MYO18A: variants seen among roughly 807,000 people sequenced by gnomAD.
MYO18A encodes the protein unconventional myosin-XVIIIa.
A neutral mutation model predicts 235.8 loss-of-function variants in MYO18A; 78 were observed. The observed-to-expected ratio is 0.33, with a 90% CI of 0.28 to 0.40. MYO18A has a LOEUF of 0.40. Among genes scored for constraint, MYO18A ranks in the 10% least tolerant of loss-of-function variants. MYO18A has a pLI of 1.00. For missense variants in MYO18A, 2,215 were observed against 2,699.3 expected, an observed-to-expected ratio of 0.82 and a Z score of 3.98; for synonymous variants, 977 against 1,077.8, an observed-to-expected ratio of 0.91 and a Z score of 1.83.
At position 29,106,932 on chromosome 17, in the gene MYO18A, C is replaced by A; in HGVS notation, c.3441+148G>T. 1.3e-6 allele frequency: 1 copy of A among 752,320 alleles called. No individual in the cohort carries two copies. The highest frequency in any genetic ancestry group is 2.2e-6 in the Non-Finnish European group (1 of 447,030). The allele number at this position is 752,320 out of a possible 1,614,324, so 46.6% of individuals were successfully genotyped here. A position where few individuals can be genotyped will look rare whatever the true frequency, so the allele number is the denominator to read the frequency against. On this transcript the variant is annotated intron_variant, in intron 20 of 41. Coordinates refer to ENST00000527372, the MANE Select transcript of MYO18A (RefSeq NM_078471.4). This position sits in a 1 kb window ranked among gnomAD's most constrained non-coding sequence, Gnocchi z 4.6. ...TTCTCCAGCTCCTATGGTCTGGGCC[C>A]CAGGACACAGCTGGGTGCTTCCAAA...
intron 2 of MYO18A, among the ~76,000 whole-genome samples, chr17:29,143,054 C>T (rs1182603123): frequency 6.6e-6 from 1 of 152,276 alleles, no homozygotes. Flanking sequence ...GTGATCTGCC[C>T]GCCTTGGCCT....
chr17:29,139,320 C>T (rs533692918), intron 2 of MYO18A, among the ~76,000 whole-genome samples: 10 of 152,304 alleles, frequency 6.6e-5, no homozygotes, highest in Admixed American at 6.5e-4. Flanking sequence ...CTGTGCATGG[C>T]CCTAAATCTG....
chr17:29,107,003 A>G (rs1021288142), intron 20 of MYO18A, 77 bp downstream of exon 20: 2 of 1,367,888 alleles, frequency 1.5e-6, no homozygotes, highest in Admixed American at 1.7e-5. Flanking sequence ...CAGGGAAGGG[A>G]AGGCAGATGA....
chr17:29,114,211 G>A (rs76884759), intron 14 of MYO18A, 114 bp from the exon 15 acceptor site: 18 of 717,844 alleles, frequency 2.5e-5, no homozygotes, highest in Admixed American at 6.7e-5. Context: ...CTTCTGTGCC[G>A]TGCAGGAGCT....
In MYO18A at chr17:29,094,838, C is replaced by T. The variant is rs2066482453; in HGVS notation, c.4522G>A (p.Asp1508Asn). The part of the protein sequence containing the change: ...LKQQLEEKDM[D>N]IAGFTQKVVS... Reference sequence around the variant, plus strand: ...ACCTTCTGGGTGAACCCTGCAATGTCCATGTCTTTTTCCTGGAGCAAAAGA... The same window carrying T: ...ACCTTCTGGGTGAACCCTGCAATGTTCATGTCTTTTTCCTGGAGCAAAAGA... The change falls in exon 30 of 42, where the codon GAC (aspartate) becomes AAC (asparagine). Residue 1508 changes from aspartate to asparagine, a missense_variant. Physicochemically the swap from Asp to Asn is conservative, Grantham distance 23 (BLOSUM62 1). Transcript: ENST00000527372. 1.2e-6 allele frequency: 2 copies of T among 1,614,034 alleles called. No individual in the cohort carries two copies. Among genetic ancestry groups the T allele is most frequent in the Non-Finnish European group, 1.7e-6 (2 of 1,179,896 alleles).
At chr17:29,088,052 C>CTTTTTT (rs1040172315) in intron 37 of MYO18A, among the ~76,000 whole-genome samples, 1 of 124,654 alleles carries the variant, frequency 8.0e-6, no homozygotes, top group Non-Finnish European at 1.7e-5. Flanking sequence ...AAAATAAATT[C>CTTTTTT]TTTTTTTTTT....
At chr17:29,131,389 T>C (rs766614689) in intron 2 of MYO18A, 24 of 985,790 alleles carry the variant, frequency 2.4e-5, no homozygotes, top group Non-Finnish European at 2.7e-5. Flanking sequence ...TTACAGCCCC[T>C]TCCTCCTTGC....
In MYO18A at chr17:29,074,680, G is replaced by C. The variant is rs1424277352; in HGVS notation, c.*90C>G. The C allele has an allele frequency of 2.8e-6, 4 of 1,430,776 alleles. No homozygotes were observed. The highest frequency in any genetic ancestry group is 1.4e-5 in the African/African-American group (1 of 71,446). The allele number at this position is 1,430,776 out of a possible 1,614,324, so 88.6% of individuals were successfully genotyped here. ...TTCCCATGCAGATCAGCAGTCGGGT[G>C]GGGGAGACCGGTGCCCCACCACTTC... is the stretch of plus-strand genomic sequence containing the variant. On this transcript the variant is annotated 3_prime_UTR_variant, in exon 42 of 42. Transcript: ENST00000527372. This position sits in a 1 kb window ranked among gnomAD's most constrained non-coding sequence, Gnocchi z 4.4.
intron 26 of MYO18A, 82 bp downstream of exon 26, chr17:29,097,706 G>A: frequency 8.1e-7 from 1 of 1,233,662 alleles, no homozygotes; most frequent in South Asian, 1.4e-5. Flanking sequence ...GACAGGCCTG[G>A]ACAAGGGGCA....
chr17:29,152,684 C>T (rs2067984398), intron 2 of MYO18A, among the ~76,000 whole-genome samples: 1 of 152,240 alleles, frequency 6.6e-6, no homozygotes, highest in East Asian at 1.9e-4. Context: ...TGCTTCCTGA[C>T]GTACCAGAGA....
At chr17:29,095,119 A>G in intron 28 of MYO18A, 60 bp from the exon 29 acceptor site, 1 of 1,477,584 alleles carries the variant, frequency 6.8e-7, no homozygotes, top group Non-Finnish European at 9.0e-7. Context: ...CCACACAGAC[A>G]CTGTCAGGAG....
chr17:29,115,542 C>T (rs935009756), intron 12 of MYO18A, 101 bp from the exon 13 acceptor site: 96 of 1,485,200 alleles, frequency 6.5e-5, no homozygotes, highest in Non-Finnish European at 7.7e-5. Context: ...GGGCCTGGGG[C>T]AGGGCCTCTG....
intron 20 of MYO18A, 142 bp from the exon 21 acceptor site, chr17:29,103,806 G>T: frequency 6.9e-6 from 5 of 720,240 alleles, no homozygotes; most frequent in Non-Finnish European, 1.2e-5. Flanking sequence ...TCAGTGTCAG[G>T]CACTGGGTTG....
At chr17:29,146,264 AT>A (rs1175892790) in intron 2 of MYO18A, among the ~76,000 whole-genome samples, 1 of 152,100 alleles carries the variant, frequency 6.6e-6, no homozygotes, top group Non-Finnish European at 1.5e-5. Flanking sequence ...TCTCAAAAAA[AT>A]AAAATAAAAA....
chr17:29,124,658 T>C (rs1200225300), intron 2 of MYO18A: 2 of 1,284,462 alleles, frequency 1.6e-6, no homozygotes, highest in Non-Finnish European at 1.0e-6. Context: ...CCTACCTGGC[T>C]GTGGGCATGA....
intron 41 of MYO18A, chr17:29,080,554 T>C (rs1045792279): frequency 1.0e-5 from 10 of 985,942 alleles, no homozygotes; most frequent in Non-Finnish European, 1.1e-5. Context: ...GGAGAGGCTG[T>C]CGAGCCGGGA....
chr17:29,173,925 C>A (rs1168000465), intron 1 of MYO18A, among the ~76,000 whole-genome samples: 1 of 152,058 alleles, frequency 6.6e-6, no homozygotes, highest in Admixed American at 6.6e-5. Context: ...GTGTGCGCCA[C>A]CATTACTGGC....
At chr17:29,172,099 A>G (rs1407312703) in intron 1 of MYO18A, among the ~76,000 whole-genome samples, 1 of 152,154 alleles carries the variant, frequency 6.6e-6, no homozygotes. Flanking sequence ...GCCACTTCCT[A>G]AAGGCAAGCA....
At chr17:29,129,689 G>C (rs1413720100) in intron 2 of MYO18A, among the ~76,000 whole-genome samples, 9 of 152,248 alleles carry the variant, frequency 5.9e-5, no homozygotes, top group African/African-American at 2.2e-4. Context: ...GCCCATGCTT[G>C]CTTGGATGCA....
Sources: gnomAD v4.1 joint callset for allele counts (sites outside exome capture counted in the v4.1 genomes callset) on GRCh38, gnomAD v4.1.1 for gene constraint, Gnocchi (gnomAD v3.1) non-coding constraint, MANE v1.5 for transcripts, NCBI Gene and HGNC (gene_info 2026-07-23, HGNC 2026-07-21) for gene names.